Variants in GPC6 observed in about 807,000 individuals in gnomAD.
GPC6 encodes the protein glypican 6.
A neutral mutation model predicts 55.2 loss-of-function variants in GPC6; 14 were observed. The ratio of observed to expected loss-of-function variants is 0.25; its 90% confidence interval spans 0.17 to 0.40. The LOEUF (loss-of-function observed/expected upper bound fraction) is 0.40. GPC6 is among the 10% of genes least tolerant of loss of function. The pLI, the probability that GPC6 is intolerant of heterozygous loss-of-function variation, is 1.00. For missense variants in GPC6, 641 were observed against 708.5 expected (o/e 0.90, Z 1.08); for synonymous variants, 278 against 259.6 (o/e 1.07, Z -0.68).
intron 1 of GPC6, among the ~76,000 whole-genome samples, chr13:93,500,260 C>A (rs1880471347): frequency 6.6e-6 from 1 of 152,090 alleles, no homozygotes; most frequent in Admixed American, 6.6e-5. Flanking sequence ...ACGGATTTAT[C>A]TGATGATTCC....
intron 7 of GPC6, among the ~76,000 whole-genome samples, chr13:94,398,163 T>G (rs1880973242): frequency 6.6e-6 from 1 of 151,500 alleles, no homozygotes; most frequent in African/African-American, 2.4e-5. Context: ...AACAGACTAA[T>G]ACAAGTGGTT....
chr13:94,271,335 C>T (rs1364230196), intron 4 of GPC6, among the ~76,000 whole-genome samples: 2 of 149,970 alleles, frequency 1.3e-5, no homozygotes, highest in African/African-American at 4.9e-5. Flanking sequence ...CGGTGATTCC[C>T]TTGCCTCACA....
At chr13:93,800,383 T>C (rs1317423899) in intron 2 of GPC6, among the ~76,000 whole-genome samples, 1 of 152,008 alleles carries the variant, frequency 6.6e-6, no homozygotes, top group East Asian at 1.9e-4. Context: ...ATTTAGAGGG[T>C]CCTAACTGAG....
intron 7 of GPC6, among the ~76,000 whole-genome samples, chr13:94,397,952 T>A (rs1187280403): frequency 2.0e-5 from 3 of 152,176 alleles, no homozygotes; most frequent in Non-Finnish European, 4.4e-5. Flanking sequence ...GATAGTGAGT[T>A]CTCACAACAT....
intron 2 of GPC6, among the ~76,000 whole-genome samples, chr13:93,572,251 C>A (rs185104161): frequency 6.6e-4 from 101 of 152,276 alleles, no homozygotes; most frequent in African/African-American, 2.2e-3. Context: ...GACTGTTATG[C>A]ATTTGTGGTG....
At chr13:94,063,602 G>A (rs907859415) in intron 4 of GPC6, among the ~76,000 whole-genome samples, 27 of 152,140 alleles carry the variant, frequency 1.8e-4, no homozygotes, top group African/African-American at 6.5e-4. Flanking sequence ...AGAGGACCAT[G>A]AAGTAATATA....
intron 2 of GPC6, among the ~76,000 whole-genome samples, chr13:93,705,460 G>T (rs9524174): frequency 0.23 from 34,896 of 151,796 alleles, 5,059 homozygotes; most frequent in East Asian, 0.46. Context: ...TGTTTTATAA[G>T]TGTAATATAG....
intron 1 of GPC6, among the ~76,000 whole-genome samples, chr13:93,246,826 G>T (rs1594050787): frequency 7.3e-6 from 1 of 136,674 alleles, no homozygotes; most frequent in Admixed American, 7.5e-5. Context: ...AAGCCACTAT[G>T]CACACATTAT....
chr13:94,041,626 C>A (rs1345349236), intron 4 of GPC6, among the ~76,000 whole-genome samples: 1 of 151,682 alleles, frequency 6.6e-6, no homozygotes, highest in African/African-American at 2.4e-5. Flanking sequence ...CTTTTCTGGA[C>A]GATCACTTAA....
At chr13:93,676,123 AAAAATATATATATATATATATAT>A (rs1403875766) in intron 2 of GPC6, among the ~76,000 whole-genome samples, 248 of 13,462 alleles carry the variant, frequency 0.018, 9 homozygotes, top group Non-Finnish European at 0.033. Flanking sequence ...AAAAAAAAAA[AAAAATATATATATATATATATAT>A]ATATATATAT....
intron 1 of GPC6, among the ~76,000 whole-genome samples, chr13:93,404,192 A>G (rs2139236012): frequency 6.6e-6 from 1 of 152,312 alleles, no homozygotes; most frequent in South Asian, 2.1e-4. Context: ...TCAAGAGACT[A>G]AAAAATAAAA....
chr13:94,239,476 A>G (rs1052109817), intron 4 of GPC6, among the ~76,000 whole-genome samples: 5 of 152,182 alleles, frequency 3.3e-5, no homozygotes, highest in Non-Finnish European at 5.9e-5. Context: ...AAAAATGTAG[A>G]GCACCACATG....
chr13:93,472,946 G>A (rs1879175750), intron 1 of GPC6, among the ~76,000 whole-genome samples: 1 of 152,192 alleles, frequency 6.6e-6, no homozygotes, highest in Non-Finnish European at 1.5e-5. Context: ...CAGACAGATT[G>A]TCTCATGTGC....
chr13:93,644,435 C>G (rs1249673746), intron 2 of GPC6, among the ~76,000 whole-genome samples: 1 of 152,028 alleles, frequency 6.6e-6, no homozygotes, highest in African/African-American at 2.4e-5. Flanking sequence ...CATTTAGAAA[C>G]AAGCCCAACA....
chr13:93,303,872 ATT>A (rs33964040), intron 1 of GPC6, among the ~76,000 whole-genome samples: 14 of 128,900 alleles, frequency 1.1e-4, no homozygotes, highest in Admixed American at 8.2e-5. Context: ...TGTAGATACT[ATT>A]TTTTTTTTTT....
chr13:94,104,034 T>G (rs962085986), intron 4 of GPC6, among the ~76,000 whole-genome samples: 2 of 152,242 alleles, frequency 1.3e-5, no homozygotes, highest in African/African-American at 4.8e-5. Flanking sequence ...AGTTAAGTCT[T>G]TAATCCATCT....
chr13:94,195,039 C>T (rs11843735), intron 4 of GPC6, among the ~76,000 whole-genome samples: 1 of 152,150 alleles, frequency 6.6e-6, no homozygotes, highest in African/African-American at 2.4e-5. Flanking sequence ...GAACTGAGCA[C>T]TGAAGTTTTA....
chr13:94,136,260 C>A (rs1887181161), intron 4 of GPC6, among the ~76,000 whole-genome samples: 1 of 149,958 alleles, frequency 6.7e-6, no homozygotes, highest in African/African-American at 2.5e-5. Flanking sequence ...ACTGGACCGA[C>A]TTCTGTGAAC....
intron 3 of GPC6, among the ~76,000 whole-genome samples, chr13:93,921,154 C>A (rs1357917906): frequency 6.6e-6 from 1 of 152,096 alleles, no homozygotes; most frequent in Non-Finnish European, 1.5e-5. Context: ...AGTTTCCTGA[C>A]CCCCCTTACA....
Sources: gnomAD v4.1 joint callset for allele counts (sites outside exome capture counted in the v4.1 genomes callset) on GRCh38, gnomAD v4.1.1 for gene constraint, MANE v1.5 for transcripts, NCBI Gene and HGNC (gene_info 2026-07-23, HGNC 2026-07-21) for gene names.